PRKACB: variants seen among roughly 807,000 people sequenced by gnomAD.
PRKACB encodes protein kinase cAMP-activated catalytic subunit beta.
PRKACB carries 16 observed loss-of-function variants against 51.4 expected under a neutral mutation model. The ratio of observed to expected loss-of-function variants is 0.31; its 90% CI spans 0.21 to 0.47. PRKACB has a LOEUF of 0.47. Ranked by LOEUF, PRKACB falls within the 20% of genes least tolerant of loss-of-function variation. The probability of loss-of-function intolerance (pLI) is 1.00; values close to 1 mark genes in which losing one functional copy is unlikely to be tolerated. For synonymous variants in PRKACB, 147 were observed against 154.4 expected (o/e 0.95, Z 0.35); for missense variants, 309 against 464.5 (o/e 0.67, Z 3.08).
In PRKACB at chr1:84,220,668, A is replaced by G. The variant is rs905166394; in HGVS notation, c.1071+6351A>G. On this transcript the variant is annotated intron_variant, in intron 9 of 9. Coordinates refer to ENST00000370685, the MANE Select transcript of PRKACB (RefSeq NM_182948.4). ...CAGGAGGGGATGTTGGCTTTTATCT[A>G]ATGCTTTTTTCTGCATCTATTGAGA... Among the ~76,000 whole-genome samples, 5 of 152,202 alleles carry G rather than the reference A, an allele frequency of 3.3e-5. No individual in the cohort carries two copies. In the South Asian group the frequency reaches 8.3e-4, roughly 25 times the overall value.
At chr1:84,179,016 A>G (rs1424465892) in intron 1 of PRKACB, 161 bp from the exon 2 acceptor site, 3 of 784,986 alleles carry the variant, frequency 3.8e-6, no homozygotes, top group East Asian at 6.8e-5. Context: ...TCTTAGAGAT[A>G]CTAAATAGCT....
chr1:84,163,979 A>T (rs1187186271), intron 1 of PRKACB, among the ~76,000 whole-genome samples: 1 of 151,982 alleles, frequency 6.6e-6, no homozygotes, highest in East Asian at 1.9e-4. Flanking sequence ...CTGTCATCTT[A>T]GTCCTGTTTC....
Position 84,197,832 on chromosome 1 carries a change from C to T in PRKACB, c.783+8C>T, listed in dbSNP as rs1270362494. The T allele has an allele frequency of 6.4e-7, 1 of 1,569,004 alleles. No homozygotes were observed. Among genetic ancestry groups the T allele is most frequent in the Non-Finnish European group, 8.8e-7 (1 of 1,141,448 alleles). ...GAAATAATTCTCAGCAAGGTATATT[C>T]ATAATATCAACACATAAGAAGTAGA... On this transcript the variant is annotated splice_region_variant and intron_variant, in intron 7 of 9. Transcript: ENST00000370685.
intron 1 of PRKACB, among the ~76,000 whole-genome samples, chr1:84,161,689 G>A (rs931062099): frequency 4.6e-5 from 7 of 151,786 alleles, no homozygotes; most frequent in African/African-American, 7.3e-5. Context: ...CTTCAGGATA[G>A]TACTGACTTA....
rs111754750 is a variant in PRKACB, at chr1:84,179,358, G to A, written c.249+120G>A. 5.9e-6 allele frequency: 7 copies of A among 1,192,282 alleles called. No individual in the cohort carries two copies. In the African/African-American group the frequency reaches 6.2e-5, roughly 11 times the overall value. The allele number at this position is 1,192,282 out of a possible 1,614,324, so 73.9% of individuals were successfully genotyped here. A position where few individuals can be genotyped will look rare whatever the true frequency, so the allele number is the denominator to read the frequency against. ...TTTCATGTGGTGTTAGTAAACAGAAGCTTAAAATGGGAATTTTGCCATAGT... is the reference window on the plus strand; with the variant it reads ...TTTCATGTGGTGTTAGTAAACAGAAACTTAAAATGGGAATTTTGCCATAGT... On this transcript the variant is annotated intron_variant, in intron 2 of 9. Transcript: ENST00000370685.
chr1:84,080,987 T>C (rs1647487675), intron 1 of PRKACB, among the ~76,000 whole-genome samples: 1 of 152,192 alleles, frequency 6.6e-6, no homozygotes, highest in Non-Finnish European at 1.5e-5. Context: ...AAAGAAAATA[T>C]GTATATATAA....
chr1:84,182,904 C>A (rs746092974), intron 3 of PRKACB, among the ~76,000 whole-genome samples: 1 of 151,958 alleles, frequency 6.6e-6, no homozygotes, highest in Non-Finnish European at 1.5e-5. Context: ...AAAATGTGTA[C>A]AGTAGTGATC....
exon 1 of PRKACB, chr1:84,078,269 G>T: frequency 6.5e-7 from 1 of 1,542,710 alleles, no homozygotes; most frequent in Non-Finnish European, 8.8e-7. Context: ...GTGGAGTGGC[G>T]GGCACGGCCC....
intron 9 of PRKACB, among the ~76,000 whole-genome samples, chr1:84,234,140 C>T (rs998897006): frequency 9.9e-4 from 150 of 152,258 alleles, no homozygotes; most frequent in Non-Finnish European, 1.8e-3. Flanking sequence ...ACAGACAGGA[C>T]CCTCAGCTGC....
At chr1:84,157,112 G>C (rs533979670) in intron 1 of PRKACB, among the ~76,000 whole-genome samples, 3 of 152,276 alleles carry the variant, frequency 2.0e-5, no homozygotes, top group Non-Finnish European at 4.4e-5. Context: ...GAGGAGGATG[G>C]AGTCTAGGAG....
chr1:84,136,370 A>C (rs1336101308), intron 1 of PRKACB, among the ~76,000 whole-genome samples: 2 of 151,998 alleles, frequency 1.3e-5, no homozygotes, highest in African/African-American at 4.8e-5. Flanking sequence ...AAATCTGAAT[A>C]GCCATCTTAT....
At chr1:84,163,014 C>G (rs544823104) in intron 1 of PRKACB, among the ~76,000 whole-genome samples, 1 of 152,042 alleles carries the variant, frequency 6.6e-6, no homozygotes, top group East Asian at 1.9e-4. Context: ...ACTGATTTCT[C>G]TGCTTAGTTT....
chr1:84,079,463 T>G (rs1319178741), intron 1 of PRKACB, among the ~76,000 whole-genome samples: 11 of 152,196 alleles, frequency 7.2e-5, no homozygotes, highest in Non-Finnish European at 1.6e-4. Context: ...ATTAATAAAG[T>G]AGAATTCATT....
At chr1:84,197,935 G>A (rs1028648733) in intron 7 of PRKACB, 111 bp downstream of exon 7, 1 of 720,524 alleles carries the variant, frequency 1.4e-6, no homozygotes, top group African/African-American at 1.8e-5. Context: ...TTTGATCTAA[G>A]TTATGAATTT....
intron 1 of PRKACB, among the ~76,000 whole-genome samples, chr1:84,085,131 A>G (rs1647860230): frequency 6.6e-6 from 1 of 152,250 alleles, no homozygotes; most frequent in African/African-American, 2.4e-5. Flanking sequence ...AGTAATTTAA[A>G]ATCATAAAAT....
intron 1 of PRKACB, among the ~76,000 whole-genome samples, chr1:84,138,543 CAAAAACAAAAACG>C (rs1653065519): frequency 6.6e-6 from 1 of 151,878 alleles, no homozygotes; most frequent in Non-Finnish European, 1.5e-5. Flanking sequence ...CAAAAAAAAT[CAAAAACAAAAACG>C]AAAAACAAAA....
intron 2 of PRKACB, among the ~76,000 whole-genome samples, chr1:84,180,471 A>G (rs1663045700): frequency 6.6e-6 from 1 of 151,608 alleles, no homozygotes; most frequent in Non-Finnish European, 1.5e-5. Context: ...GGTGCAGTGT[A>G]TACTGCTCAA....
At chr1:84,203,895 G>A (rs1194243274) in intron 8 of PRKACB, among the ~76,000 whole-genome samples, 1 of 151,842 alleles carries the variant, frequency 6.6e-6, no homozygotes, top group Non-Finnish European at 1.5e-5. Context: ...TTATTTCTTT[G>A]TATCTCAGCC....
intron 9 of PRKACB, among the ~76,000 whole-genome samples, chr1:84,223,611 C>T (rs1674102481): frequency 6.6e-6 from 1 of 152,020 alleles, no homozygotes; most frequent in Non-Finnish European, 1.5e-5. Context: ...CCTCATGATC[C>T]ACCCACCTTG....
Sources: gnomAD v4.1 joint callset for allele counts (sites outside exome capture counted in the v4.1 genomes callset) on GRCh38, gnomAD v4.1.1 for gene constraint, MANE v1.5 for transcripts, NCBI Gene and HGNC (gene_info 2026-07-23, HGNC 2026-07-21) for gene names.